TNNT2: variants seen among roughly 807,000 people sequenced by gnomAD.
TNNT2 encodes troponin T, cardiac muscle.
A neutral mutation model predicts 62.4 loss-of-function variants in TNNT2; 34 were observed. The ratio of observed to expected loss-of-function variants is 0.54; its 90% CI spans 0.41 to 0.72. TNNT2 has a LOEUF of 0.72. Among genes scored for constraint, TNNT2 ranks in the 30% least tolerant of loss-of-function variants. TNNT2 has a pLI of 0.00. For synonymous variants in TNNT2, 123 were observed against 127.2 expected (o/e 0.97, Z 0.22); for missense variants, 275 against 381.9 (o/e 0.72, Z 2.33).
At chr1:201,367,110 A>T (rs1659807317) in intron 7 of TNNT2, 1 of 636,770 alleles carries the variant, frequency 1.6e-6, no homozygotes, top group South Asian at 1.8e-5. Flanking sequence ...GCAGTGTGGA[A>T]CTTCACACAA....
At chr1:201,368,265 C>T in intron 5 of TNNT2, 38 bp from the exon 6 acceptor site, 1 of 1,607,148 alleles carries the variant, frequency 6.2e-7, no homozygotes, top group Non-Finnish European at 8.5e-7. Flanking sequence ...GAAGCAGGCC[C>T]CACTCATGCT....
intron 5 of TNNT2, among the ~76,000 whole-genome samples, 183 bp downstream of exon 5, chr1:201,369,633 G>A (rs1660288746): frequency 6.6e-6 from 1 of 152,208 alleles, no homozygotes; most frequent in South Asian, 2.1e-4. Flanking sequence ...TGAAGTTCAG[G>A]CATGATGATC....
chr1:201,359,549 G>A, intron 16 of TNNT2, 74 bp downstream of exon 16: 1 of 1,460,298 alleles, frequency 6.8e-7, no homozygotes, highest in African/African-American at 1.4e-5. Flanking sequence ...CCTCCAAGGA[G>A]GAATGGGATA....
rs770666870 is a variant in TNNT2 at position 201,364,308 on chromosome 1, T to C, written c.479A>G (p.Asn160Ser). The change falls in exon 11 of 17, where the codon AAC becomes AGC. Residue 160 changes from asparagine (N) to serine (S), a missense_variant. Physicochemically the swap from Asn to Ser is conservative, Grantham distance 46. Coordinates refer to ENST00000656932, the MANE Select transcript of TNNT2 (RefSeq NM_001276345.2). ...CTAGGGGTCACTCACAGCCAGGCGGTTCTGCCGCTCCTTCTCCCGCTCATT... is the reference window on the plus strand; with the variant it reads ...CTAGGGGTCACTCACAGCCAGGCGGCTCTGCCGCTCCTTCTCCCGCTCATT... ...IRNEREKERQ[N>S]RLAEERARRE... 1 of 1,612,766 alleles carries C rather than the reference T, an allele frequency of 6.2e-7. No homozygotes were observed. Among genetic ancestry groups the C allele is most frequent in the Non-Finnish European group, 8.5e-7 (1 of 1,179,924 alleles).
Position 201,359,130 on chromosome 1 carries a change from G to C in TNNT2, c.*80C>G. The C allele has an allele frequency of 6.4e-7, 1 of 1,555,340 alleles. No individual in the cohort carries two copies. The highest frequency in any genetic ancestry group is 8.7e-7 in the Non-Finnish European group (1 of 1,146,006). ...AAACAGGAGCTGCCTGGGGTGCCCA[G>C]GAGGGCCCGGGAACTGGGGGAGTGC... On this transcript the variant is annotated 3_prime_UTR_variant, in exon 17 of 17. Coordinates refer to ENST00000656932, the MANE Select transcript of TNNT2 (RefSeq NM_001276345.2).
rs780067626 is a variant in TNNT2 at position 201,363,378 on chromosome 1, T to C, written c.518A>G (p.Glu173Gly). The C allele has an allele frequency of 4.3e-6, 7 of 1,613,828 alleles. No individual in the cohort carries two copies. The highest frequency in any genetic ancestry group is 5.9e-6 in the Non-Finnish European group (7 of 1,179,798). The change falls in exon 12 of 17, where the codon GAG becomes GGG. Residue 173 changes from glutamate (E) to glycine (G), a missense_variant. Physicochemically the swap from Glu to Gly is moderately conservative, Grantham distance 98 (BLOSUM62 -2). Transcript: ENST00000656932. ...CTCATCCTCAGCCTTCCTCCTGTTC[T>C]CCTCCTCCTCTCGTCGAGCCCTCTC... ...AEERARREEE[E>G]NRRKAEDEAR...
At chr1:201,368,733 T>A (rs2102287678) in intron 5 of TNNT2, among the ~76,000 whole-genome samples, 1 of 152,318 alleles carries the variant, frequency 6.6e-6, no homozygotes, top group East Asian at 1.9e-4. Context: ...CCCATCTCAC[T>A]CAGGCACTTG....
At chr1:201,361,107 G>C in intron 15 of TNNT2, 172 bp downstream of exon 15, 1 of 744,482 alleles carries the variant, frequency 1.3e-6, no homozygotes, top group Non-Finnish European at 2.4e-6. Context: ...CGTCAATGCG[G>C]TGGACATGGA....
rs776406819 is a variant in TNNT2, at chr1:201,368,215, G to T, written c.110C>A (p.Ala37Glu). Residue 37 changes from alanine to glutamate, a missense_variant, in exon 6 of 17, where the codon GCA becomes GAA. By Grantham distance (107) the Ala-to-Glu change is moderately radical. Transcript: ENST00000656932. ...CTCTGCTTCAGCATCCTCTTCCGCT[G>T]CCTCCTCCTGCTCTGGAGAAGTGAA... Reference protein sequence around the residue: ...WREDEDEQEEAAEEDAEAEAE... With the variant: ...WREDEDEQEEEAEEDAEAEAE... 1 of 1,614,078 alleles carries T rather than the reference G, an allele frequency of 6.2e-7. No individual in the cohort carries two copies. The highest frequency in any genetic ancestry group is 1.1e-5 in the South Asian group (1 of 91,078).
chr1:201,366,978 A>G, intron 7 of TNNT2, 107 bp from the exon 8 acceptor site: 3 of 1,585,902 alleles, frequency 1.9e-6, no homozygotes, highest in Non-Finnish European at 2.6e-6. Flanking sequence ...CCCCATCTGC[A>G]CAGTGAGTCC....
At chr1:201,362,639 G>A (rs1234196226) in intron 12 of TNNT2, among the ~76,000 whole-genome samples, 1 of 152,142 alleles carries the variant, frequency 6.6e-6, no homozygotes, top group Non-Finnish European at 1.5e-5. Flanking sequence ...AGAGGCAGGG[G>A]GTGGCCTAGT....
At chr1:201,367,959 C>T (rs190018755) in intron 6 of TNNT2, among the ~76,000 whole-genome samples, 153 bp from the exon 7 acceptor site, 1 of 152,310 alleles carries the variant, frequency 6.6e-6, no homozygotes, top group Non-Finnish European at 1.5e-5. Flanking sequence ...CACACACATT[C>T]CCCTGGACCC....
chr1:201,369,974 G>T, intron 4 of TNNT2, 129 bp from the exon 5 acceptor site: 1 of 994,450 alleles, frequency 1.0e-6, no homozygotes, highest in Non-Finnish European at 1.5e-6. Flanking sequence ...AGTTAGGCCG[G>T]CATTCCAATT....
At chr1:201,371,030 C>CCAGACAG (rs1277910214) in intron 4 of TNNT2, among the ~76,000 whole-genome samples, 1 of 152,212 alleles carries the variant, frequency 6.6e-6, no homozygotes, top group Non-Finnish European at 1.5e-5. Flanking sequence ...TCCTCTTTGG[C>CCAGACAG]CAGACAGCCC....
intron 2 of TNNT2, 114 bp downstream of exon 2, chr1:201,373,100 C>T (rs755220345): frequency 3.7e-6 from 4 of 1,089,284 alleles, no homozygotes; most frequent in Admixed American, 3.4e-5. Context: ...GTGCCCAAAA[C>T]ACACACAGCT....
In TNNT2 at chr1:201,363,419, A is replaced by T. The variant is rs369089124; in HGVS notation, c.490-13T>A. On this transcript the variant is annotated splice_polypyrimidine_tract_variant and intron_variant, in intron 11 of 16. Transcript: ENST00000656932. Reference sequence around the variant, plus strand: ...GAGCCCTCTCTTCCTGATTTACAGCAGGGAGGAAGAAAGCAAATTAGGGGA... The same window carrying T: ...GAGCCCTCTCTTCCTGATTTACAGCTGGGAGGAAGAAAGCAAATTAGGGGA... 6.2e-7 allele frequency: 1 copy of T among 1,613,412 alleles called. No homozygotes were observed.
At chr1:201,368,084 G>A in intron 6 of TNNT2, 78 bp downstream of exon 6, 6 of 1,457,184 alleles carry the variant, frequency 4.1e-6, no homozygotes, top group Non-Finnish European at 4.8e-6. Context: ...GTTCTGGGGG[G>A]TTTCTTACTG....
intron 16 of TNNT2, 112 bp downstream of exon 16, chr1:201,359,511 A>G: frequency 8.6e-7 from 1 of 1,161,904 alleles, no homozygotes; most frequent in Non-Finnish European, 1.3e-6. Flanking sequence ...GGGCTGAAGC[A>G]GAGGAGGAAG....
intron 5 of TNNT2, 67 bp downstream of exon 5, chr1:201,369,749 T>C (rs1213578350): frequency 3.7e-6 from 6 of 1,607,874 alleles, no homozygotes; most frequent in Non-Finnish European, 5.1e-6. Context: ...ACAGGGCCCC[T>C]GGACAAGGAG....
Sources: gnomAD v4.1 joint callset for allele counts (sites outside exome capture counted in the v4.1 genomes callset) on GRCh38, gnomAD v4.1.1 for gene constraint, MANE v1.5 for transcripts, NCBI Gene and HGNC (gene_info 2026-07-23, HGNC 2026-07-21) for gene names.